STT3B: variants seen among roughly 807,000 people sequenced by gnomAD.
STT3B encodes STT3 oligosaccharyltransferase complex catalytic subunit B.
A neutral mutation model predicts 96.8 loss-of-function variants in STT3B; 29 were observed. The ratio of observed to expected loss-of-function variants is 0.30; its 90% CI spans 0.22 to 0.41. STT3B has a LOEUF of 0.41. Among genes scored for constraint, STT3B ranks in the 10% least tolerant of loss-of-function variants. STT3B has a pLI of 1.00. For synonymous variants in STT3B, 367 were observed against 360.0 expected (o/e 1.02, Z -0.22); for missense variants, 640 against 1,022.3 (o/e 0.63, Z 5.10).
chr3:31,574,369 A>C (rs1002462751), intron 1 of STT3B, among the ~76,000 whole-genome samples: 1 of 152,038 alleles, frequency 6.6e-6, no homozygotes. Flanking sequence ...ATTCTTTGTA[A>C]ATTTAGACCC....
At chr3:31,591,017 ATCT>A (rs1559377777) in intron 3 of STT3B, among the ~76,000 whole-genome samples, 3 of 152,044 alleles carry the variant, frequency 2.0e-5, no homozygotes, top group African/African-American at 7.2e-5. Context: ...TATTGTCCAA[ATCT>A]TCTATATGCT....
At chr3:31,633,188 T>C (rs1287205361) in intron 15 of STT3B, 41 bp downstream of exon 15, 2 of 1,546,026 alleles carry the variant, frequency 1.3e-6, no homozygotes, top group Non-Finnish European at 1.8e-6. Flanking sequence ...ACTTAAGGTG[T>C]GTTGGTTTGT....
chr3:31,559,513 A>G (rs150978747), intron 1 of STT3B, among the ~76,000 whole-genome samples: 4 of 151,756 alleles, frequency 2.6e-5, no homozygotes, highest in Non-Finnish European at 4.4e-5. Flanking sequence ...ACAGTTTTCA[A>G]GGTTCCTCTT....
intron 6 of STT3B, among the ~76,000 whole-genome samples, chr3:31,615,668 G>C (rs1328881072): frequency 6.6e-6 from 1 of 151,828 alleles, no homozygotes; most frequent in South Asian, 2.1e-4. Flanking sequence ...TGTATATTTA[G>C]TGTTGTGTAC....
intron 7 of STT3B, 71 bp from the exon 8 acceptor site, chr3:31,617,869 C>T (rs1215155752): frequency 1.8e-5 from 19 of 1,049,936 alleles, no homozygotes; most frequent in Non-Finnish European, 2.8e-5. Flanking sequence ...TAGCAATAAA[C>T]ATAAAGGCAA....
intron 1 of STT3B, among the ~76,000 whole-genome samples, chr3:31,570,424 A>T (rs1332536544): frequency 6.6e-6 from 1 of 152,162 alleles, no homozygotes; most frequent in Non-Finnish European, 1.5e-5. Context: ...AACATTAGAG[A>T]AGACTTCTTA....
chr3:31,575,904 T>C (rs1165622245), intron 1 of STT3B, among the ~76,000 whole-genome samples: 3 of 152,138 alleles, frequency 2.0e-5, no homozygotes, highest in Non-Finnish European at 2.9e-5. Context: ...ATTTCATTTT[T>C]TCTCATTTGT....
At position 31,596,360 on chromosome 3, in the gene STT3B, A is replaced by C. The variant is rs576172005; in HGVS notation, c.712-438A>C. Among the ~76,000 whole-genome samples, 104 of 152,136 alleles carry C rather than the reference A, an allele frequency of 6.8e-4. No individual in the cohort carries two copies. In the Middle Eastern group the frequency reaches 0.017, roughly 25 times the overall value. On this transcript the variant is annotated intron_variant, in intron 3 of 15. Coordinates refer to ENST00000295770, the MANE Select transcript of STT3B (RefSeq NM_178862.3). ...AAGGGCAAACTTGGAAGGTTTTCAC[A>C]CCTCATTGCGTAGGGTGTGGTTCAG...
intron 1 of STT3B, among the ~76,000 whole-genome samples, chr3:31,574,878 A>T (rs1698231394): frequency 6.6e-6 from 1 of 152,038 alleles, no homozygotes; most frequent in Non-Finnish European, 1.5e-5. Context: ...CGGAAAAAAA[A>T]TTTTTGTTTT....
chr3:31,618,289 A>ACC (rs1553607837), intron 8 of STT3B, among the ~76,000 whole-genome samples: 4 of 145,094 alleles, frequency 2.8e-5, no homozygotes, highest in Admixed American at 7.0e-5. Flanking sequence ...TTTGTCTTTT[A>ACC]TAACATTTTC....
chr3:31,600,794 T>G (rs1698911139), intron 5 of STT3B, among the ~76,000 whole-genome samples: 1 of 152,142 alleles, frequency 6.6e-6, no homozygotes, highest in Non-Finnish European at 1.5e-5. Context: ...CTGTAAGAGA[T>G]TGACATCCTC....
At chr3:31,591,997 T>A (rs748833966) in intron 3 of STT3B, among the ~76,000 whole-genome samples, 14 of 152,308 alleles carry the variant, frequency 9.2e-5, no homozygotes, top group Non-Finnish European at 1.9e-4. Flanking sequence ...TATGTTTTAA[T>A]CATTAAGTAT....
chr3:31,628,120 A>G (rs1218900819), intron 13 of STT3B, among the ~76,000 whole-genome samples: 1 of 149,708 alleles, frequency 6.7e-6, no homozygotes, highest in African/African-American at 2.5e-5. Flanking sequence ...AGTATGATTG[A>G]TGCATATGTT....
Position 31,551,777 on chromosome 3 carries a change from G to A in STT3B, c.314+18465G>A, listed in dbSNP as rs1028766461. Among the ~76,000 whole-genome samples the A allele has an allele frequency of 8.5e-5, 13 of 152,262 alleles. 2 individuals carry two copies. The South Asian group carries it at 1.4e-3, about 17-fold the overall frequency. On this transcript the variant is annotated intron_variant, in intron 1 of 15. Transcript: ENST00000295770. ...TCTAGGGTGATGGGATGTTGCTTCC[G>A]TGATTATGTGACGTTGTGTAAAACT...
intron 10 of STT3B, 75 bp from the exon 11 acceptor site, chr3:31,623,599 A>C (rs1034514507): frequency 1.5e-5 from 17 of 1,167,970 alleles, no homozygotes; most frequent in African/African-American, 1.4e-4. Flanking sequence ...CAGTCTCTCA[A>C]CTTTTTCCAT....
intron 6 of STT3B, 121 bp downstream of exon 6, chr3:31,615,324 C>A: frequency 1.5e-6 from 1 of 678,558 alleles, no homozygotes; most frequent in Non-Finnish European, 2.4e-6. Context: ...AGTAATCTGA[C>A]TCACAATTAT....
intron 3 of STT3B, among the ~76,000 whole-genome samples, chr3:31,595,262 G>A (rs1306434906): frequency 6.6e-6 from 1 of 152,190 alleles, no homozygotes; most frequent in Non-Finnish European, 1.5e-5. Context: ...CAGAGACAGA[G>A]ATTCTGTAAC....
chr3:31,613,957 A>G (rs1017039817), intron 5 of STT3B, among the ~76,000 whole-genome samples: 1 of 151,922 alleles, frequency 6.6e-6, no homozygotes, highest in African/African-American at 2.4e-5. Context: ...GGTCCTTCCT[A>G]TTAAATTTAT....
intron 5 of STT3B, among the ~76,000 whole-genome samples, chr3:31,614,795 C>T (rs1386316146): frequency 2.0e-5 from 3 of 151,756 alleles, no homozygotes; most frequent in African/African-American, 4.8e-5. Flanking sequence ...CTTCTTGAGT[C>T]GTATGAATGA....
Sources: gnomAD v4.1 joint callset for allele counts (sites outside exome capture counted in the v4.1 genomes callset) on GRCh38, gnomAD v4.1.1 for gene constraint, MANE v1.5 for transcripts, NCBI Gene and HGNC (gene_info 2026-07-23, HGNC 2026-07-21) for gene names.